Variants in SKAP1 observed in about 807,000 individuals in gnomAD.
SKAP1 encodes src kinase-associated phosphoprotein 1.
SKAP1 carries 44 observed loss-of-function variants against 58.5 expected under a neutral mutation model. That is an observed-to-expected ratio of 0.75 (90% CI 0.59 to 0.97). SKAP1 has a LOEUF of 0.97. Ranked by LOEUF, SKAP1 falls within the 50% of genes least tolerant of loss-of-function variation. The pLI, the probability that SKAP1 is intolerant of heterozygous loss-of-function variation, is 0.00. For synonymous variants in SKAP1, 127 were observed against 149.7 expected (o/e 0.85, Z 1.11); for missense variants, 390 against 435.2 (o/e 0.90, Z 0.92).
intron 4 of SKAP1, among the ~76,000 whole-genome samples, chr17:48,329,094 A>G (rs900918112): frequency 6.6e-6 from 1 of 152,220 alleles, no homozygotes; most frequent in African/African-American, 2.4e-5. Context: ...GCTCTACTAG[A>G]AAATGCAAAT....
chr17:48,143,612 T>C (rs1264621557), intron 11 of SKAP1, among the ~76,000 whole-genome samples: 1 of 152,136 alleles, frequency 6.6e-6, no homozygotes, highest in Non-Finnish European at 1.5e-5. Flanking sequence ...TGCCTTGCTG[T>C]GAAGGGGAAA....
Position 48,325,811 on chromosome 17 carries a change from A to G in SKAP1, c.280+20094T>C, listed in dbSNP as rs113016062. On this transcript the variant is annotated intron_variant, in intron 4 of 12. Coordinates refer to ENST00000336915, the MANE Select transcript of SKAP1 (RefSeq NM_003726.4). Reference sequence around the variant, plus strand: ...AAGTACAATCTAGAGAGAAGCATTCATTAGTAGAGTAATCTTTATGGAAGG... The same window carrying G: ...AAGTACAATCTAGAGAGAAGCATTCGTTAGTAGAGTAATCTTTATGGAAGG... 4.0e-3 allele frequency among the ~76,000 whole-genome samples: 610 copies of G among 152,368 alleles called. 8 individuals carry two copies. Among genetic ancestry groups the G allele is most frequent in the African/African-American group, 0.014 (584 of 41,578 alleles).
At chr17:48,319,176 TA>T (rs1458112640) in intron 4 of SKAP1, among the ~76,000 whole-genome samples, 20 of 152,274 alleles carry the variant, frequency 1.3e-4, no homozygotes, top group African/African-American at 4.6e-4. Flanking sequence ...CCTACAGATT[TA>T]AAGGTACATT....
upstream of SKAP1, among the ~76,000 whole-genome samples, chr17:48,435,244 CT>C (rs1326860489): frequency 7.7e-6 from 1 of 129,282 alleles, no homozygotes; most frequent in East Asian, 2.2e-4. Context: ...TTTTTTTAAT[CT>C]TCTTTACCTA....
intron 4 of SKAP1, among the ~76,000 whole-genome samples, chr17:48,315,997 A>T (rs1039305282): frequency 6.6e-6 from 1 of 151,980 alleles, no homozygotes; most frequent in Non-Finnish European, 1.5e-5. Context: ...ATATACATAT[A>T]TGCTAATATT....
At chr17:48,221,040 AGGCGGATAAC>A (rs2065001115) in intron 4 of SKAP1, among the ~76,000 whole-genome samples, 1 of 152,038 alleles carries the variant, frequency 6.6e-6, no homozygotes, top group African/African-American at 2.4e-5. Context: ...AGGCCAAGGC[AGGCGGATAAC>A]GAGGTCAGGA....
intron 4 of SKAP1, among the ~76,000 whole-genome samples, chr17:48,198,265 C>A (rs866886733): frequency 1.0e-3 from 152 of 151,988 alleles, no homozygotes; most frequent in Non-Finnish European, 1.9e-3. Flanking sequence ...ACCATCTTGG[C>A]TAACACGGTG....
chr17:48,440,775 G>C, the SKAP1 span, among the ~76,000 whole-genome samples: 1 of 152,214 alleles, frequency 6.6e-6, no homozygotes, highest in African/African-American at 2.4e-5. Flanking sequence ...AAGGCTCACT[G>C]TGGGAGAGGC....
At chr17:48,180,709 C>G (rs1302631601) in intron 8 of SKAP1, among the ~76,000 whole-genome samples, 1 of 152,110 alleles carries the variant, frequency 6.6e-6, no homozygotes, top group Non-Finnish European at 1.5e-5. Context: ...GCTTATCTCC[C>G]CAGTGATTTC....
chr17:48,247,550 C>T (rs868345806), intron 4 of SKAP1, among the ~76,000 whole-genome samples: 1 of 152,174 alleles, frequency 6.6e-6, no homozygotes, highest in Non-Finnish European at 1.5e-5. Flanking sequence ...TCCTACCTCA[C>T]AAAAGTTTTA....
chr17:48,226,887 G>A (rs975837813), intron 4 of SKAP1, among the ~76,000 whole-genome samples: 1 of 152,184 alleles, frequency 6.6e-6, no homozygotes, highest in Admixed American at 6.6e-5. Flanking sequence ...TTAAACATCT[G>A]TGGGGTTTGA....
chr17:48,382,431 A>C (rs1478900960), intron 2 of SKAP1: 1 of 152,230 alleles, frequency 6.6e-6, no homozygotes, highest in Admixed American at 6.5e-5. Context: ...ATGATTGTCA[A>C]TGGCAAATGG....
chr17:48,404,788 A>T (rs1272822079), intron 1 of SKAP1, among the ~76,000 whole-genome samples: 1 of 152,138 alleles, frequency 6.6e-6, no homozygotes, highest in Non-Finnish European at 1.5e-5. Context: ...ATTAAAAGCA[A>T]AAATTTTTGT....
At chr17:48,146,009 T>C (rs2063828354) in intron 11 of SKAP1, among the ~76,000 whole-genome samples, 1 of 152,150 alleles carries the variant, frequency 6.6e-6, no homozygotes, top group African/African-American at 2.4e-5. Flanking sequence ...CATGTGTACG[T>C]AGGCCTCGTC....
intron 4 of SKAP1, among the ~76,000 whole-genome samples, chr17:48,243,715 T>C (rs2065265738): frequency 6.6e-6 from 1 of 152,146 alleles, no homozygotes; most frequent in African/African-American, 2.4e-5. Context: ...GCTATTAATA[T>C]ATATATAAAA....
intron 4 of SKAP1, among the ~76,000 whole-genome samples, chr17:48,242,961 T>C (rs988162880): frequency 6.6e-6 from 1 of 152,190 alleles, no homozygotes; most frequent in Non-Finnish European, 1.5e-5. Context: ...AAATCAAGAA[T>C]CAACTCTTGG....
chr17:48,357,631 G>A (rs9906651), intron 3 of SKAP1, among the ~76,000 whole-genome samples: 51,162 of 151,242 alleles, frequency 0.34, 9,374 homozygotes, highest in African/African-American at 0.48. Context: ...CTCTGTCTCA[G>A]AAAAAAAGAA....
chr17:48,430,204 G>A lies in SKAP1; in HGVS notation c.-84C>T. On this transcript the variant is annotated 5_prime_UTR_variant, in exon 1 of 13. Transcript: ENST00000336915. ...CTGGAAGGCGACCCGGCTGCACCGC[G>A]AGGCACCTGTACCTCAGCCGCGGTC... The A allele has an allele frequency of 8.8e-7, 1 of 1,137,284 alleles. No homozygotes were observed. Among genetic ancestry groups the A allele is most frequent in the Non-Finnish European group, 1.1e-6 (1 of 896,572 alleles). 70.4% of individuals were successfully genotyped at this position (1,137,284 alleles called of 1,614,324 possible).
chr17:48,430,126 T>G lies in SKAP1; in HGVS notation c.-6A>C. The stretch of plus-strand genomic sequence containing the variant: ...GGGAGGGCGGCGGCCTGCATTTGGC[T>G]GGGCGGGAGAGAGGCGGGACGGGGC... On this transcript the variant is annotated 5_prime_UTR_variant, in exon 1 of 13. Transcript: ENST00000336915. 8.0e-7 allele frequency: 1 copy of G among 1,253,056 alleles called. No individual in the cohort carries two copies. The highest frequency in any genetic ancestry group is 3.1e-5 in the East Asian group (1 of 32,258). The allele number at this position is 1,253,056 out of a possible 1,614,324, so 77.6% of individuals were successfully genotyped here. A position where few individuals can be genotyped will look rare whatever the true frequency, so the allele number is the denominator to read the frequency against.
Sources: gnomAD v4.1 joint callset for allele counts (sites outside exome capture counted in the v4.1 genomes callset) on GRCh38, gnomAD v4.1.1 for gene constraint, MANE v1.5 for transcripts, NCBI Gene and HGNC (gene_info 2026-07-23, HGNC 2026-07-21) for gene names.